ZRANB1: variants seen among roughly 807,000 people sequenced by gnomAD.
ZRANB1 encodes ubiquitin thioesterase ZRANB1.
ZRANB1 carries 16 observed loss-of-function variants against 80.5 expected under a neutral mutation model. The ratio of observed to expected loss-of-function variants is 0.20; its 90% CI spans 0.13 to 0.30. The LOEUF is 0.30. ZRANB1 is among the 10% of genes least tolerant of loss of function. ZRANB1 has a pLI of 1.00. For synonymous variants in ZRANB1, 291 were observed against 293.1 expected (o/e 0.99, Z 0.07); for missense variants, 576 against 862.6 (o/e 0.67, Z 4.16).
At chr10:124,923,533 A>G in the ZRANB1 span, among the ~76,000 whole-genome samples, 3 of 151,986 alleles carry the variant, frequency 2.0e-5, no homozygotes, top group East Asian at 5.8e-4. Flanking sequence ...TGGAGGTTGC[A>G]GTGAGCCGAG....
Position 124,942,431 on chromosome 10 carries a change from A to G in ZRANB1, c.-63A>G. ...TTTGGAGGTGGAATGTAGTTATTTT[A>G]ATAACCATGTCCTAATTATTTATAG... On this transcript the variant is annotated 5_prime_UTR_variant, in exon 1 of 9. Transcript: ENST00000359653. 6.3e-7 allele frequency: 1 copy of G among 1,591,174 alleles called. No homozygotes were observed. Among genetic ancestry groups the G allele is most frequent in the Non-Finnish European group, 8.6e-7 (1 of 1,165,808 alleles).
chr10:124,971,755 C>G lies in ZRANB1; in HGVS notation c.1003-210C>G, dbSNP rs954221780. Among the ~76,000 whole-genome samples, 11 of 152,150 alleles carry G rather than the reference C, an allele frequency of 7.2e-5. 1 individual carries two copies. Among genetic ancestry groups the G allele is most frequent in the Admixed American group, 7.2e-4 (11 of 15,280 alleles). On this transcript the variant is annotated intron_variant, in intron 2 of 8. Transcript: ENST00000359653. ...TGTGATAAATTCTTAAAGAGAATTA[C>G]TGAATCAGAGGATAAAACATTTTTG...
At chr10:124,925,028 T>A in the ZRANB1 span, among the ~76,000 whole-genome samples, 1 of 151,882 alleles carries the variant, frequency 6.6e-6, no homozygotes, top group Non-Finnish European at 1.5e-5. Context: ...ATGTCTCAGC[T>A]TCCTGAGTAG....
the ZRANB1 span, among the ~76,000 whole-genome samples, chr10:124,920,508 T>G: frequency 6.6e-6 from 1 of 152,194 alleles, no homozygotes; most frequent in African/African-American, 2.4e-5. Context: ...TGATCCATTC[T>G]TCAGTCCTAA....
chr10:124,942,017 CTG>C (rs1245362175), upstream of ZRANB1: 4 of 342,154 alleles, frequency 1.2e-5, no homozygotes, highest in African/African-American at 8.9e-5. Flanking sequence ...GAATCATAAT[CTG>C]TGTTCATAAT....
At chr10:124,960,946 C>T (rs184419447) in intron 1 of ZRANB1, among the ~76,000 whole-genome samples, 45 of 151,892 alleles carry the variant, frequency 3.0e-4, no homozygotes, top group Admixed American at 1.0e-3. Context: ...TTTTGGCATA[C>T]ACTATTTTAT....
chr10:124,976,297 C>T (rs779407974), intron 5 of ZRANB1, among the ~76,000 whole-genome samples: 8 of 152,146 alleles, frequency 5.3e-5, no homozygotes, highest in Non-Finnish European at 1.0e-4. Flanking sequence ...GGTCACCAAG[C>T]AGCTTCCTGT....
In ZRANB1 at chr10:124,971,993, C is replaced by T. The variant is rs1337663790; in HGVS notation, c.1031C>T (p.Pro344Leu). 6.2e-7 allele frequency: 1 copy of T among 1,605,332 alleles called. No homozygotes were observed. Among genetic ancestry groups the T allele is most frequent in the Non-Finnish European group, 8.5e-7 (1 of 1,176,098 alleles). ...EVSQQAAKCI[P>L]AMVCPELTEQ... The stretch of plus-strand genomic sequence containing the variant: ...TCTCAACAAGCAGCAAAGTGTATTC[C>T]AGCAATGGTGTGTCCTGAACTGACA... The change falls in exon 3 of 9, where the codon CCA becomes CTA. Residue 344 changes from proline to leucine, a missense_variant. By Grantham distance (98) the Pro-to-Leu change is moderately conservative. This residue lies in a region of ZRANB1 where 411 missense variants were observed against 583.1 expected (regional missense o/e 0.70). Transcript: ENST00000359653.
In ZRANB1 at chr10:124,954,990, G is replaced by A. The variant is rs949136943; in HGVS notation, c.815-11604G>A. 6.6e-5 allele frequency among the ~76,000 whole-genome samples: 10 copies of A among 150,884 alleles called. No individual in the cohort carries two copies. In the East Asian group the frequency reaches 1.9e-3, roughly 29 times the overall value. On this transcript the variant is annotated intron_variant, in intron 1 of 8. Coordinates refer to ENST00000359653, the MANE Select transcript of ZRANB1 (RefSeq NM_017580.3). Reference sequence around the variant, plus strand: ...TAAAAATACAAAAAATTAGCCGGGCGTGGTGGCAGGCGCCCGTAGTCCCAG... The same window carrying A: ...TAAAAATACAAAAAATTAGCCGGGCATGGTGGCAGGCGCCCGTAGTCCCAG...
chr10:124,949,496 T>TACAC (rs71964464), intron 1 of ZRANB1, among the ~76,000 whole-genome samples: 69 of 129,232 alleles, frequency 5.3e-4, no homozygotes, highest in African/African-American at 1.8e-3. Context: ...TATTCACGTA[T>TACAC]ACACACACAC....
intron 2 of ZRANB1, among the ~76,000 whole-genome samples, chr10:124,968,378 T>G (rs963490063): frequency 1.1e-3 from 167 of 152,284 alleles, no homozygotes; most frequent in Non-Finnish European, 1.9e-4. Context: ...AATTTGAAGG[T>G]TAGATGGAAA....
At chr10:124,949,302 A>G (rs190043049) in intron 1 of ZRANB1, among the ~76,000 whole-genome samples, 1 of 152,186 alleles carries the variant, frequency 6.6e-6, no homozygotes, top group Admixed American at 6.5e-5. Flanking sequence ...TTCCTAAACA[A>G]TAGCTGCATC....
At position 124,942,455 on chromosome 10, in the gene ZRANB1, A is replaced by G; in HGVS notation, c.-39A>G. ...TAATAACCATGTCCTAATTATTTAT[A>G]GCTTCCTGCCTGACACAGCTCACTT... On this transcript the variant is annotated 5_prime_UTR_variant, in exon 1 of 9. The change creates a new upstream start codon in the 5' untranslated region. Coordinates refer to ENST00000359653, the MANE Select transcript of ZRANB1 (RefSeq NM_017580.3). 2 of 1,611,116 alleles carry G rather than the reference A, an allele frequency of 1.2e-6. No homozygotes were observed. The highest frequency in any genetic ancestry group is 1.1e-5 in the South Asian group (1 of 91,000).
At chr10:124,964,285 A>C (rs1048361107) in intron 1 of ZRANB1, among the ~76,000 whole-genome samples, 1 of 152,228 alleles carries the variant, frequency 6.6e-6, no homozygotes, top group African/African-American at 2.4e-5. Flanking sequence ...TCCAAAGTAC[A>C]GTCTGCTGAT....
chr10:124,927,299 C>T, the ZRANB1 span, among the ~76,000 whole-genome samples: 3 of 152,280 alleles, frequency 2.0e-5, no homozygotes, highest in East Asian at 3.9e-4. Flanking sequence ...GGCAGGATTC[C>T]CTGGATATAT....
Position 124,950,498 on chromosome 10 carries a change from T to C in ZRANB1, c.814+7191T>C, listed in dbSNP as rs577747504. On this transcript the variant is annotated intron_variant, in intron 1 of 8. Coordinates refer to ENST00000359653, the MANE Select transcript of ZRANB1 (RefSeq NM_017580.3). Reference sequence around the variant, plus strand: ...TTAGTTGTCTGCAAAAATATTGTTATATTTAATCTATTATTTTCCCTTTTC... The same window carrying C: ...TTAGTTGTCTGCAAAAATATTGTTACATTTAATCTATTATTTTCCCTTTTC... 1.0e-3 allele frequency among the ~76,000 whole-genome samples: 155 copies of C among 152,352 alleles called. 1 individual carries two copies. The highest frequency in any genetic ancestry group is 3.7e-3 in the African/African-American group (152 of 41,580).
upstream of ZRANB1, among the ~76,000 whole-genome samples, chr10:124,938,882 A>C (rs1191649767): frequency 6.6e-6 from 1 of 152,108 alleles, no homozygotes; most frequent in African/African-American, 2.4e-5. Flanking sequence ...AATTAAAAAA[A>C]AGTTTTTTTT....
chr10:124,928,695 T>C, the ZRANB1 span, among the ~76,000 whole-genome samples: 24 of 152,280 alleles, frequency 1.6e-4, no homozygotes, highest in African/African-American at 5.8e-4. Context: ...ACAAAGTCTT[T>C]GCTAATTGTG....
In ZRANB1 at chr10:124,987,254, G is replaced by A. The variant is rs982614797; in HGVS notation, c.*2262G>A. The A allele has an allele frequency of 5.9e-5, 9 of 152,566 alleles. No homozygotes were observed. In the South Asian group the frequency reaches 1.9e-3, roughly 32 times the overall value. The allele number at this position is 152,566 out of a possible 1,614,324, so 9.5% of individuals were successfully genotyped here. A position where few individuals can be genotyped will look rare whatever the true frequency, so the allele number is the denominator to read the frequency against. ...GGCTAGGTGACAGACATTAATGACT[G>A]ACTCTGGAGAGTAAGTCATACCTGC... On this transcript the variant is annotated 3_prime_UTR_variant, in exon 9 of 9. Coordinates refer to ENST00000359653, the MANE Select transcript of ZRANB1 (RefSeq NM_017580.3).
Sources: allele counts gnomAD v4.1 joint callset (sites outside exome capture counted in the v4.1 genomes callset), GRCh38; gene constraint gnomAD v4.1.1; regional missense constraint gnomAD v4.1.1; transcripts MANE v1.5; gene names NCBI Gene and HGNC (gene_info 2026-07-23, HGNC 2026-07-21).